GPM6A: variants seen among roughly 807,000 people sequenced by gnomAD.
GPM6A encodes glycoprotein M6A.
Under a neutral mutation model 32.1 loss-of-function variants are expected in GPM6A, and 7 were observed. The observed-to-expected ratio is 0.22, with a 90% CI of 0.12 to 0.41. GPM6A has a LOEUF of 0.41. GPM6A is among the 10% of genes least tolerant of loss of function. The probability of loss-of-function intolerance (pLI) is 1.00; values close to 1 mark genes in which losing one functional copy is unlikely to be tolerated. For synonymous variants in GPM6A, 130 were observed against 123.4 expected (o/e 1.05, Z -0.35); for missense variants, 235 against 347.2 (o/e 0.68, Z 2.57).
At position 175,855,949 on chromosome 4, in the gene GPM6A, G is replaced by A. The variant is rs988054683; in HGVS notation, c.-22-43700C>T. On this transcript the variant is annotated intron_variant, in intron 1 of 7. Transcript: ENST00000280187. ...AGGAGCACGTAAGAGCCTAGCGCTC[G>A]CTCTTGCTTTTTAATACCACTCACC... 3.5e-4 allele frequency among the ~76,000 whole-genome samples: 54 copies of A among 152,248 alleles called. 1 individual carries two copies. Among genetic ancestry groups the A allele is most frequent in the Admixed American group, 3.3e-4 (5 of 15,280 alleles).
At chr4:175,801,124 T>C (rs1734454760) in intron 1 of GPM6A, 1 of 152,218 alleles carries the variant, frequency 6.6e-6, no homozygotes. Context: ...AGTCTTCAAA[T>C]AGTTTGCCAT....
At chr4:175,737,674 A>G (rs1432461009) in intron 1 of GPM6A, among the ~76,000 whole-genome samples, 1 of 152,188 alleles carries the variant, frequency 6.6e-6, no homozygotes, top group African/African-American at 2.4e-5. Context: ...CTTTGTTCAG[A>G]ACAAAGCATG....
At chr4:175,981,949 A>T (rs1229340726) in intron 1 of GPM6A, among the ~76,000 whole-genome samples, 1 of 151,946 alleles carries the variant, frequency 6.6e-6, no homozygotes, top group East Asian at 1.9e-4. Context: ...TTTAAAAAAA[A>T]CTATTCCCAT....
At chr4:175,756,542 C>CTT (rs1388364565) in intron 1 of GPM6A, among the ~76,000 whole-genome samples, 1 of 151,946 alleles carries the variant, frequency 6.6e-6, no homozygotes, top group Non-Finnish European at 1.5e-5. Context: ...ATGGTGGAAC[C>CTT]ATTCATTGGG....
chr4:175,989,246 T>C (rs1245946459), intron 1 of GPM6A, among the ~76,000 whole-genome samples: 4 of 152,308 alleles, frequency 2.6e-5, no homozygotes, highest in African/African-American at 9.6e-5. Context: ...AATTATGTTG[T>C]TTTGAATCAG....
chr4:175,827,360 C>T (rs1429767054), intron 1 of GPM6A, among the ~76,000 whole-genome samples: 1 of 152,178 alleles, frequency 6.6e-6, no homozygotes, highest in Non-Finnish European at 1.5e-5. Flanking sequence ...TATGTCCTCA[C>T]TTTAATTCAT....
At chr4:175,826,717 G>C (rs986796396) in intron 1 of GPM6A, among the ~76,000 whole-genome samples, 1 of 152,064 alleles carries the variant, frequency 6.6e-6, no homozygotes, top group Non-Finnish European at 1.5e-5. Flanking sequence ...GCTCAGAAAA[G>C]AGAGCTTCCT....
At chr4:175,689,747 G>A (rs146997605) in intron 2 of GPM6A, among the ~76,000 whole-genome samples, 4 of 152,212 alleles carry the variant, frequency 2.6e-5, no homozygotes, top group East Asian at 1.9e-4. Context: ...TTCTCCCTTC[G>A]GGTCTGTCAG....
chr4:175,955,775 G>C (rs1273189686), intron 1 of GPM6A, among the ~76,000 whole-genome samples: 3 of 152,092 alleles, frequency 2.0e-5, no homozygotes, highest in Non-Finnish European at 2.9e-5. Context: ...ACTGTAATGA[G>C]TAAACGATCC....
At chr4:175,719,392 G>A (rs1318764031) in intron 1 of GPM6A, among the ~76,000 whole-genome samples, 1 of 151,960 alleles carries the variant, frequency 6.6e-6, no homozygotes, top group Non-Finnish European at 1.5e-5. Flanking sequence ...TAGAGACGGG[G>A]TTTCACCATG....
chr4:175,756,650 C>A (rs1462738444), intron 1 of GPM6A, among the ~76,000 whole-genome samples: 2 of 151,930 alleles, frequency 1.3e-5, no homozygotes, highest in Non-Finnish European at 2.9e-5. Flanking sequence ...ATCTAATGGG[C>A]AGAATGATGT....
rs551184505 is a variant in GPM6A, at chr4:175,690,739, G to A, written c.230+10836C>T. ...ATTTGGGGCTCATCCAGATAATCCA[G>A]GAGGATCTGCTCACCTCAGGATTCT... is the stretch of plus-strand genomic sequence containing the variant. On this transcript the variant is annotated intron_variant, in intron 2 of 6. Coordinates refer to ENST00000393658, the MANE Select transcript of GPM6A (RefSeq NM_201591.3). Among the ~76,000 whole-genome samples the A allele has an allele frequency of 4.5e-4, 68 of 152,292 alleles. 1 individual carries two copies. Among genetic ancestry groups the A allele is most frequent in the Non-Finnish European group, 7.8e-4 (53 of 68,032 alleles).
At chr4:175,930,434 G>A (rs1007374806) in intron 1 of GPM6A, among the ~76,000 whole-genome samples, 1 of 106,768 alleles carries the variant, frequency 9.4e-6, no homozygotes, top group Non-Finnish European at 2.3e-5. Flanking sequence ...TTGGGGGGGG[G>A]TTTTTTTGTT....
At chr4:175,700,687 C>T (rs184577505) in intron 2 of GPM6A, among the ~76,000 whole-genome samples, 74 of 152,204 alleles carry the variant, frequency 4.9e-4, no homozygotes, top group African/African-American at 1.7e-3. Flanking sequence ...AGGTATCAAA[C>T]AGCATGAAAT....
intron 2 of GPM6A, 150 bp from the exon 3 acceptor site, chr4:175,673,986 C>A: frequency 1.8e-6 from 1 of 553,270 alleles, no homozygotes. Flanking sequence ...ATGTTTGCTT[C>A]ATATATCTAA....
At chr4:175,918,117 CAT>C (rs1233451588) in intron 1 of GPM6A, among the ~76,000 whole-genome samples, 1 of 150,910 alleles carries the variant, frequency 6.6e-6, no homozygotes, top group Non-Finnish European at 1.5e-5. Context: ...ATTTTACACG[CAT>C]AACTTAAAAA....
chr4:175,879,039 C>T (rs1737180376), intron 1 of GPM6A, among the ~76,000 whole-genome samples: 1 of 152,188 alleles, frequency 6.6e-6, no homozygotes, highest in Admixed American at 6.5e-5. Context: ...GGGCAAAATG[C>T]TGACAGTCTT....
At chr4:175,635,193 T>C in intron 6 of GPM6A, 136 bp from the exon 7 acceptor site, 1 of 665,108 alleles carries the variant, frequency 1.5e-6, no homozygotes, top group Non-Finnish European at 2.6e-6. Context: ...AAAATTTCTT[T>C]GGTAACAGAA....
intron 2 of GPM6A, among the ~76,000 whole-genome samples, chr4:175,691,299 T>C (rs17598018): frequency 0.047 from 7,177 of 152,250 alleles, 202 homozygotes; most frequent in Non-Finnish European, 0.063. Context: ...TCCAAAACAA[T>C]CATCCATATT....
Sources: allele counts gnomAD v4.1 joint callset (sites outside exome capture counted in the v4.1 genomes callset), GRCh38; gene constraint gnomAD v4.1.1; transcripts MANE v1.5; gene names NCBI Gene and HGNC (gene_info 2026-07-23, HGNC 2026-07-21).